The following SS18 variants were observed in gnomAD, a reference collection of about 807,000 sequenced individuals.
SS18 encodes the protein SS18 subunit of BAF chromatin remodeling complex, also known as protein SSXT.
Under a neutral mutation model 72.5 loss-of-function variants are expected in SS18, and 28 were observed. That is an observed-to-expected ratio of 0.39 (90% confidence interval 0.29 to 0.53). The LOEUF is 0.53. Ranked by LOEUF, SS18 falls within the 20% of genes least tolerant of loss-of-function variation. The probability of loss-of-function intolerance (pLI) is 0.76; values close to 1 mark genes in which losing one functional copy is unlikely to be tolerated. For missense variants in SS18, 518 were observed against 535.3 expected (o/e 0.97, Z 0.32); for synonymous variants, 172 against 164.2 (o/e 1.05, Z -0.37).
At chr18:26,048,525 T>G (rs545903846) in intron 5 of SS18, among the ~76,000 whole-genome samples, 71 of 152,344 alleles carry the variant, frequency 4.7e-4, no homozygotes, top group Non-Finnish European at 9.4e-4. Context: ...CCTTTTCGTC[T>G]ATCTCTTAAT....
At chr18:26,089,109 T>G (rs1233719986) in intron 1 of SS18, among the ~76,000 whole-genome samples, 1 of 152,204 alleles carries the variant, frequency 6.6e-6, no homozygotes, top group African/African-American at 2.4e-5. Flanking sequence ...GGCAATTAAT[T>G]TAGAGCCCAT....
At chr18:26,082,576 T>C (rs1329395904) in intron 2 of SS18, 1 of 895,352 alleles carries the variant, frequency 1.1e-6, no homozygotes, top group African/African-American at 1.8e-5. Flanking sequence ...TAGGTTGATT[T>C]AGAAAATGCT....
intron 3 of SS18, among the ~76,000 whole-genome samples, chr18:26,060,051 AC>A (rs1198400573): frequency 3.3e-5 from 5 of 152,242 alleles, no homozygotes; most frequent in African/African-American, 1.2e-4. Flanking sequence ...CCTGGTACAT[AC>A]TAAAAAGAAT....
intron 7 of SS18, among the ~76,000 whole-genome samples, chr18:26,038,350 T>A (rs183815823): frequency 2.4e-3 from 359 of 152,314 alleles, no homozygotes; most frequent in Non-Finnish European, 3.7e-3. Flanking sequence ...TGATTCCTGA[T>A]GGTACTAATG....
At chr18:26,060,303 T>A (rs1419683000) in intron 3 of SS18, among the ~76,000 whole-genome samples, 1 of 152,158 alleles carries the variant, frequency 6.6e-6, no homozygotes, top group African/African-American at 2.4e-5. Flanking sequence ...AAAGGCCACA[T>A]AAATTGTATG....
intron 5 of SS18, among the ~76,000 whole-genome samples, chr18:26,045,704 C>T (rs1487315880): frequency 6.6e-6 from 1 of 151,826 alleles, no homozygotes; most frequent in Admixed American, 6.6e-5. Flanking sequence ...AGGATCAGAC[C>T]ATATCAATGA....
At chr18:26,081,964 G>A (rs2054531962) in intron 2 of SS18, among the ~76,000 whole-genome samples, 1 of 152,004 alleles carries the variant, frequency 6.6e-6, no homozygotes. Flanking sequence ...AGGCTAAGGT[G>A]GGAGGATCAC....
intron 1 of SS18, among the ~76,000 whole-genome samples, chr18:26,087,870 C>T (rs970005897): frequency 1.3e-5 from 2 of 152,068 alleles, no homozygotes; most frequent in African/African-American, 4.8e-5. Flanking sequence ...TTTAAAGCAA[C>T]ATTAGTGTAT....
At position 26,018,357 on chromosome 18, in the gene SS18, C is replaced by T. The variant is rs2053284842; in HGVS notation, c.1254G>A (p.Gln418=). ...CTACTGGAATGTAAGTACTTTTTCA[C>T]TGCTGGTAATTTCCATACTGTCCCT... is the stretch of plus-strand genomic sequence containing the variant. ...YDQGQYGNYQ[Q] Residue 418 remains glutamine, a synonymous_variant, in exon 11 of 11, where the codon CAG becomes CAA. Transcript: ENST00000415083. 1 of 1,601,404 alleles carries T rather than the reference C, an allele frequency of 6.2e-7. No homozygotes were observed. Among genetic ancestry groups the T allele is most frequent in the Non-Finnish European group, 8.6e-7 (1 of 1,169,100 alleles).
chr18:26,061,636 T>C (rs1376764178), intron 3 of SS18, among the ~76,000 whole-genome samples: 2 of 151,490 alleles, frequency 1.3e-5, no homozygotes, highest in African/African-American at 4.9e-5. Flanking sequence ...GATGACAAAA[T>C]GACATCTGTA....
At chr18:26,087,654 G>A in intron 1 of SS18, 77 bp from the exon 2 acceptor site, 2 of 828,326 alleles carry the variant, frequency 2.4e-6, no homozygotes, top group South Asian at 3.1e-5. Flanking sequence ...TTCAGAAAGG[G>A]AGGGCATTAG....
rs139237200 is a variant in SS18 at position 26,048,745 on chromosome 18, T to TATTG, written c.607+3875_607+3878dup. On this transcript the variant is annotated intron_variant, in intron 5 of 10. Coordinates refer to ENST00000415083, the MANE Select transcript of SS18 (RefSeq NM_001007559.3). Reference sequence around the variant, plus strand: ...GACAGAAAGCACAGTGTTTTGAAGATATTGTCATTTGCAACTTAGCCACGT... The same window carrying TATTG: ...GACAGAAAGCACAGTGTTTTGAAGATATTGATTGTCATTTGCAACTTAGCCACGT... Among the ~76,000 whole-genome samples, 1,189 of 152,332 alleles carry TATTG rather than the reference T, an allele frequency of 7.8e-3. 15 individuals are homozygous for TATTG. The highest frequency in any genetic ancestry group is 0.027 in the African/African-American group (1,138 of 41,570).
In SS18 at chr18:26,046,213, A is replaced by T. The variant is rs1312083245; in HGVS notation, c.607+6411T>A. On this transcript the variant is annotated intron_variant, in intron 5 of 10. Coordinates refer to ENST00000415083, the MANE Select transcript of SS18 (RefSeq NM_001007559.3). ...TCTCAAAAAAAAAAAAAAAAAAAAG[A>T]AGTAGAAAAAAAAAGGAAAAAAAAA... Among the ~76,000 whole-genome samples, 8 of 137,332 alleles carry T rather than the reference A, an allele frequency of 5.8e-5. No homozygotes were observed. In the South Asian group the frequency reaches 6.3e-4, roughly 11 times the overall value. The allele number at this position is 137,332 out of a possible 152,430, so 90.1% of individuals were successfully genotyped here.
intron 5 of SS18, among the ~76,000 whole-genome samples, chr18:26,047,090 G>A (rs759389970): frequency 7.9e-5 from 12 of 152,058 alleles, no homozygotes; most frequent in Admixed American, 4.6e-4. Context: ...TCCATAGGAT[G>A]TCTGTTTCCT....
At chr18:26,021,743 A>C (rs925785520) in intron 10 of SS18, among the ~76,000 whole-genome samples, 32 of 152,360 alleles carry the variant, frequency 2.1e-4, no homozygotes, top group South Asian at 6.2e-4. Flanking sequence ...AAGCAGGGAC[A>C]CTTAAATACC....
At chr18:26,023,157 C>T (rs184264270) in intron 10 of SS18, among the ~76,000 whole-genome samples, 199 of 152,248 alleles carry the variant, frequency 1.3e-3, no homozygotes, top group South Asian at 4.4e-3. Flanking sequence ...CAAAGATTAT[C>T]ACGCACACAA....
intron 4 of SS18, among the ~76,000 whole-genome samples, chr18:26,057,272 T>G (rs927408747): frequency 2.0e-5 from 3 of 152,222 alleles, no homozygotes; most frequent in African/African-American, 7.2e-5. Flanking sequence ...CAGACTTTAA[T>G]TCTTAAGCCA....
At chr18:26,089,295 G>A (rs772833454) in intron 1 of SS18, among the ~76,000 whole-genome samples, 27 of 152,202 alleles carry the variant, frequency 1.8e-4, no homozygotes. Context: ...GCAGTTTTGC[G>A]TGAGTGCGTA....
intron 5 of SS18, among the ~76,000 whole-genome samples, chr18:26,048,395 G>T (rs1247843872): frequency 6.6e-6 from 1 of 152,112 alleles, no homozygotes; most frequent in Non-Finnish European, 1.5e-5. Context: ...TCCATACAAA[G>T]AATGTTGCCA....
Sources: allele counts gnomAD v4.1 joint callset (sites outside exome capture counted in the v4.1 genomes callset), GRCh38; gene constraint gnomAD v4.1.1; transcripts MANE v1.5; gene names NCBI Gene and HGNC (gene_info 2026-07-23, HGNC 2026-07-21).